FHIT: variants seen among roughly 807,000 people sequenced by gnomAD.
FHIT encodes the protein fragile histidine triad diadenosine triphosphatase.
FHIT carries 19 observed loss-of-function variants against 17.9 expected under a neutral mutation model. The ratio of observed to expected loss-of-function variants is 1.06; its 90% CI spans 0.74 to 1.56. The LOEUF is 1.56. FHIT is among the 40% of genes most tolerant of loss of function. FHIT has a pLI of 0.00. For synonymous variants in FHIT, 81 were observed against 69.7 expected (o/e 1.16, Z -0.81); for missense variants, 248 against 189.2 (o/e 1.31, Z -1.82).
At chr3:60,011,198 T>C (rs1700122391) in intron 7 of FHIT, among the ~76,000 whole-genome samples, 173 bp downstream of exon 7, 2 of 152,332 alleles carry the variant, frequency 1.3e-5, no homozygotes, top group South Asian at 4.1e-4. Flanking sequence ...ATGGGAAACA[T>C]ATTGTTTGGC....
chr3:59,899,150 T>C (rs750203878), intron 8 of FHIT, among the ~76,000 whole-genome samples: 45 of 152,168 alleles, frequency 3.0e-4, no homozygotes, highest in Non-Finnish European at 5.3e-4. Flanking sequence ...TGACATAACC[T>C]TTCTGCATTT....
chr3:59,958,891 T>C (rs1385420837), intron 7 of FHIT, among the ~76,000 whole-genome samples: 1 of 152,178 alleles, frequency 6.6e-6, no homozygotes, highest in Non-Finnish European at 1.5e-5. Context: ...CAGTTTTCAG[T>C]ATCAGGATTC....
At chr3:60,438,807 A>C (rs1329416570) in intron 5 of FHIT, among the ~76,000 whole-genome samples, 3 of 152,122 alleles carry the variant, frequency 2.0e-5, no homozygotes, top group Non-Finnish European at 4.4e-5. Flanking sequence ...GAACATAATG[A>C]TGTCCGTGGT....
chr3:60,280,357 C>A (rs1707373270), intron 5 of FHIT, among the ~76,000 whole-genome samples: 1 of 152,116 alleles, frequency 6.6e-6, no homozygotes, highest in African/African-American at 2.4e-5. Context: ...CAGGTCTTAA[C>A]TTTTAAAACA....
intron 5 of FHIT, among the ~76,000 whole-genome samples, chr3:60,326,121 C>T (rs1365716007): frequency 2.6e-5 from 4 of 151,892 alleles, no homozygotes; most frequent in Admixed American, 2.6e-4. Flanking sequence ...TCATGGAAGA[C>T]AATTTTTCCA....
chr3:60,475,231 G>C (rs1475324943), intron 5 of FHIT, among the ~76,000 whole-genome samples: 2 of 152,118 alleles, frequency 1.3e-5, no homozygotes, highest in African/African-American at 2.4e-5. Flanking sequence ...TAGGTATCTT[G>C]AGATGTCCAT....
At chr3:60,303,767 T>C (rs1708544777) in intron 5 of FHIT, among the ~76,000 whole-genome samples, 3 of 152,150 alleles carry the variant, frequency 2.0e-5, no homozygotes, top group South Asian at 2.1e-4. Context: ...GGATGAGAAA[T>C]ACTCCCAGTT....
At position 60,213,897 on chromosome 3, in the gene FHIT, ATC is replaced by A. The variant is rs567724295; in HGVS notation, c.104-199747_104-199746del. ...GAAAGCATGCCTATCTACATCTCCT[ATC>A]TCTAAGTCATAAATGGAAAGCATTT... is the stretch of plus-strand genomic sequence containing the variant. On this transcript the variant is annotated intron_variant, in intron 5 of 9. Coordinates refer to ENST00000492590, the MANE Select transcript of FHIT (RefSeq NM_002012.4). 8.5e-5 allele frequency among the ~76,000 whole-genome samples: 13 copies of A among 152,284 alleles called. No homozygotes were observed. The East Asian group carries it at 2.3e-3, about 27-fold the overall frequency.
chr3:61,216,312 C>A (rs965943508), intron 1 of FHIT, among the ~76,000 whole-genome samples: 1 of 152,172 alleles, frequency 6.6e-6, no homozygotes, highest in East Asian at 1.9e-4. Context: ...AAACAAACAA[C>A]CCCATCAACA....
At chr3:60,490,827 T>C (rs2034032112) in intron 5 of FHIT, among the ~76,000 whole-genome samples, 1 of 152,196 alleles carries the variant, frequency 6.6e-6, no homozygotes, top group African/African-American at 2.4e-5. Flanking sequence ...GGGTAGATAG[T>C]AGCATCATGC....
intron 4 of FHIT, among the ~76,000 whole-genome samples, chr3:60,561,776 G>C (rs2107644943): frequency 6.6e-6 from 1 of 152,226 alleles, no homozygotes; most frequent in East Asian, 1.9e-4. Flanking sequence ...AATGGTACAG[G>C]CTTTGGCAGC....
intron 1 of FHIT, among the ~76,000 whole-genome samples, chr3:61,214,598 T>G (rs2039608441): frequency 6.6e-6 from 1 of 152,118 alleles, no homozygotes; most frequent in Non-Finnish European, 1.5e-5. Flanking sequence ...ACTGGTACCA[T>G]TCCTTCTGAA....
chr3:61,017,206 C>T (rs1158453510), intron 3 of FHIT, among the ~76,000 whole-genome samples: 2 of 152,190 alleles, frequency 1.3e-5, no homozygotes, highest in Non-Finnish European at 2.9e-5. Flanking sequence ...AGGAGAATCA[C>T]TTGAACCTAA....
intron 3 of FHIT, among the ~76,000 whole-genome samples, chr3:60,874,829 T>C (rs1007534297): frequency 6.6e-6 from 1 of 152,136 alleles, no homozygotes; most frequent in Admixed American, 6.5e-5. Context: ...AGGCAGGGTG[T>C]TGTCATGGAA....
chr3:60,370,585 C>A (rs568603508), intron 5 of FHIT, among the ~76,000 whole-genome samples: 2 of 152,286 alleles, frequency 1.3e-5, no homozygotes, highest in East Asian at 3.9e-4. Flanking sequence ...TGCATTCTGG[C>A]TGCACTATGT....
chr3:59,812,036 G>C (rs893096664), intron 8 of FHIT, among the ~76,000 whole-genome samples: 4 of 152,144 alleles, frequency 2.6e-5, no homozygotes, highest in African/African-American at 9.7e-5. Context: ...TTCTCAACTG[G>C]GGGAGATTCT....
chr3:59,930,621 T>A (rs540376474), intron 7 of FHIT, among the ~76,000 whole-genome samples: 168 of 152,290 alleles, frequency 1.1e-3, no homozygotes, highest in Non-Finnish European at 2.1e-3. Flanking sequence ...GTTTTATCTG[T>A]TTCTATGTTG....
intron 5 of FHIT, among the ~76,000 whole-genome samples, chr3:60,262,945 A>G (rs1345003545): frequency 6.6e-6 from 1 of 152,004 alleles, no homozygotes; most frequent in African/African-American, 2.4e-5. Context: ...GTCACAGACT[A>G]GAAGAACATA....
At chr3:60,571,169 C>G (rs71313782) in intron 4 of FHIT, among the ~76,000 whole-genome samples, 1 of 151,674 alleles carries the variant, frequency 6.6e-6, no homozygotes, top group Admixed American at 6.6e-5. Flanking sequence ...CTCCCCGTCT[C>G]TACTAAAAAT....
Sources: gnomAD v4.1 joint callset for allele counts (sites outside exome capture counted in the v4.1 genomes callset) on GRCh38, gnomAD v4.1.1 for gene constraint, MANE v1.5 for transcripts, NCBI Gene and HGNC (gene_info 2026-07-23, HGNC 2026-07-21) for gene names.